The following AHCTF1 variants were observed in gnomAD, a reference collection of about 807,000 sequenced individuals.
AHCTF1 encodes the protein AT-hook containing transcription factor 1.
AHCTF1 carries 24 observed loss-of-function variants against 248.4 expected under a neutral mutation model. The ratio of observed to expected loss-of-function variants is 0.10; its 90% CI spans 0.07 to 0.14. The LOEUF (loss-of-function observed/expected upper bound fraction) is 0.14. Ranked by LOEUF, AHCTF1 falls within the 10% of genes least tolerant of loss-of-function variation. AHCTF1 has a pLI of 1.00. For missense variants in AHCTF1, 2,206 were observed against 2,636.2 expected (o/e 0.84, Z 3.57); for synonymous variants, 786 against 929.8 (o/e 0.85, Z 2.81).
chr1:246,869,229 T>C (rs955959302), intron 24 of AHCTF1, among the ~76,000 whole-genome samples: 7 of 152,130 alleles, frequency 4.6e-5, no homozygotes, highest in South Asian at 2.1e-4. Flanking sequence ...CAACAGCGTG[T>C]ACTTACTCCA....
In AHCTF1 at chr1:246,902,690, A is replaced by G. The variant is rs775365662; in HGVS notation, c.967-15T>C. On this transcript the variant is annotated splice_polypyrimidine_tract_variant and intron_variant, in intron 7 of 35. Transcript: ENST00000648844. ...TATTCTAACCCCTGTAACATAAAATACACGCAAATATTAATCTGATTCTAG... is the reference window on the plus strand; with the variant it reads ...TATTCTAACCCCTGTAACATAAAATGCACGCAAATATTAATCTGATTCTAG... The G allele has an allele frequency of 1.3e-5, 20 of 1,569,842 alleles. No homozygotes were observed. The African/African-American group carries it at 2.4e-4, about 19-fold the overall frequency.
At chr1:246,875,674 T>C (rs1009574758) in intron 24 of AHCTF1, among the ~76,000 whole-genome samples, 4 of 152,210 alleles carry the variant, frequency 2.6e-5, no homozygotes, top group East Asian at 1.9e-4. Flanking sequence ...GCCATCAACA[T>C]TGAGACAAGA....
chr1:246,924,994 T>C (rs1666831277), intron 1 of AHCTF1, among the ~76,000 whole-genome samples: 2 of 152,186 alleles, frequency 1.3e-5, no homozygotes, highest in South Asian at 4.1e-4. Flanking sequence ...AGTAGCTTAG[T>C]ACCAAAAAAA....
chr1:246,896,638 T>C (rs1433810937), intron 12 of AHCTF1, among the ~76,000 whole-genome samples: 1 of 152,150 alleles, frequency 6.6e-6, no homozygotes, highest in Non-Finnish European at 1.5e-5. Flanking sequence ...TGTCCTAAAA[T>C]GGAATGTGAT....
Position 246,842,692 on chromosome 1 carries a change from ACTTG to A in AHCTF1, c.6606_6608+1del. On this transcript the variant is annotated splice_donor_variant and coding_sequence_variant, in exon 35 of 36. Coordinates refer to ENST00000648844, the MANE Select transcript of AHCTF1 (RefSeq NM_001323342.2). LOFTEE classifies it high-confidence loss of function. ...AATCAAGAACAGAACAGAAAGTCAT[ACTTG>A]CTTGCTTGTTTTGTTTTTGACGTCC... 3.1e-6 allele frequency: 5 copies of A among 1,612,482 alleles called. No individual in the cohort carries two copies. The highest frequency in any genetic ancestry group is 1.1e-5 in the South Asian group (1 of 91,052).
At chr1:246,896,834 C>T (rs1283189721) in intron 12 of AHCTF1, among the ~76,000 whole-genome samples, 1 of 152,108 alleles carries the variant, frequency 6.6e-6, no homozygotes, top group Non-Finnish European at 1.5e-5. Context: ...AAAAAGGAAT[C>T]CCATGAATGT....
At chr1:246,902,815 A>G in intron 7 of AHCTF1, 140 bp from the exon 8 acceptor site, 2 of 775,516 alleles carry the variant, frequency 2.6e-6, no homozygotes, top group Non-Finnish European at 3.7e-6. Context: ...TCATGGAAAA[A>G]GGCTCTAAAA....
Position 246,850,908 on chromosome 1 carries a change from C to T in AHCTF1, c.5098G>A (p.Val1700Met), listed in dbSNP as rs1558211823. The change falls in exon 33 of 36, where the codon GTG becomes ATG. Residue 1700 changes from valine to methionine, a missense_variant. Val to Met is a conservative substitution (Grantham distance 21, BLOSUM62 1). Coordinates refer to ENST00000648844, the MANE Select transcript of AHCTF1 (RefSeq NM_001323342.2). ...GTGGGACACATTATGTTTTGGCTCA[C>T]TAAAGGTATTGTTTCATGAATGGAC... ...EQSIHETIPLVSQNIMCPTKL... is the reference protein window; with the variant it reads ...EQSIHETIPLMSQNIMCPTKL... 2 of 1,613,932 alleles carry T rather than the reference C, an allele frequency of 1.2e-6. No homozygotes were observed. The highest frequency in any genetic ancestry group is 3.3e-5 in the Admixed American group (2 of 60,012).
intron 24 of AHCTF1, 45 bp downstream of exon 24, chr1:246,875,991 CT>C (rs1257421905): frequency 7.3e-6 from 11 of 1,508,584 alleles, no homozygotes; most frequent in Middle Eastern, 5.0e-4. Flanking sequence ...CATTCAGTAT[CT>C]TTTTTGATCC....
chr1:246,864,027 A>G lies in AHCTF1; in HGVS notation c.3437T>C (p.Leu1146Pro), dbSNP rs1197654650. 1 of 1,614,130 alleles carries G rather than the reference A, an allele frequency of 6.2e-7. No homozygotes were observed. Reference protein sequence around the residue: ...QQSSMKSPLYLVSRSLPSSSQ... With the variant: ...QQSSMKSPLYPVSRSLPSSSQ... ...ACTTGAGGGCAGTGAACGGGATACT[A>G]GGTACAAAGGAGATTTCATGGAGCT... The change falls in exon 27 of 36, where the codon CTA becomes CCA. Residue 1146 changes from leucine (L) to proline (P), a missense_variant. Physicochemically the swap from Leu to Pro is moderately conservative, Grantham distance 98. This residue lies in a region of AHCTF1 where 955 missense variants were observed against 1,055.6 expected (regional missense o/e 0.90). Coordinates refer to ENST00000648844, the MANE Select transcript of AHCTF1 (RefSeq NM_001323342.2).
At chr1:246,929,858 C>T (rs993974596) in intron 1 of AHCTF1, among the ~76,000 whole-genome samples, 4 of 152,196 alleles carry the variant, frequency 2.6e-5, no homozygotes, top group Admixed American at 6.5e-5. Flanking sequence ...TCAAGACCAG[C>T]CTGGCCAATA....
chr1:246,908,584 A>T (rs1665559180), intron 4 of AHCTF1, among the ~76,000 whole-genome samples: 1 of 152,080 alleles, frequency 6.6e-6, no homozygotes, highest in African/African-American at 2.4e-5. Flanking sequence ...TAATGAAATA[A>T]GGGACTTATC....
At chr1:246,844,025 G>T in intron 33 of AHCTF1, 97 bp from the exon 34 acceptor site, 1 of 878,528 alleles carries the variant, frequency 1.1e-6, no homozygotes, top group Non-Finnish European at 1.5e-6. Flanking sequence ...GTTTTAGAAA[G>T]ATGCAAACGT....
At chr1:246,873,575 A>G (rs1022580738) in intron 24 of AHCTF1, among the ~76,000 whole-genome samples, 3 of 152,190 alleles carry the variant, frequency 2.0e-5, no homozygotes, top group Non-Finnish European at 2.9e-5. Flanking sequence ...GAGACAATAC[A>G]CTAGTCAATT....
Position 246,844,279 on chromosome 1 carries a change from C to T in AHCTF1, c.6392-351G>A, listed in dbSNP as rs75404843. On this transcript the variant is annotated intron_variant, in intron 33 of 35. Coordinates refer to ENST00000648844, the MANE Select transcript of AHCTF1 (RefSeq NM_001323342.2). ...GGGAAAGCATTAATCCTATATGTAA[C>T]CTGAGCTAGTCTGTGCCATAACTAC... 3.3e-3 allele frequency among the ~76,000 whole-genome samples: 506 copies of T among 152,264 alleles called. 3 individuals carry two copies. Among genetic ancestry groups the T allele is most frequent in the African/African-American group, 0.012 (483 of 41,554 alleles).
At chr1:246,846,353 A>G (rs997082339) in intron 33 of AHCTF1, among the ~76,000 whole-genome samples, 1 of 152,034 alleles carries the variant, frequency 6.6e-6, no homozygotes, top group African/African-American at 2.4e-5. Flanking sequence ...TGGTAACAGT[A>G]TAAAGGGCAG....
intron 1 of AHCTF1, among the ~76,000 whole-genome samples, chr1:246,918,994 A>G (rs1029134389): frequency 1.3e-5 from 2 of 152,234 alleles, no homozygotes; most frequent in Admixed American, 6.5e-5. Context: ...AGTTTGGTAC[A>G]TATCTTTTGC....
rs745966646 is a variant in AHCTF1 at position 246,888,489 on chromosome 1, T to C, written c.2173A>G (p.Ile725Val). ...CCTAACTGAGAAACCAGTCCATCAA[T>C]CATCAAGCAATCGGGATTCCACTTC... ...RGKWNPDCLM[I>V]DGLVSQLGER... is the part of the protein sequence containing the mutation. Residue 725 changes from isoleucine (I) to valine (V), a missense_variant, in exon 18 of 36, where the codon ATT (isoleucine) becomes GTT (valine). Transcript: ENST00000648844. 15 of 1,613,840 alleles carry C rather than the reference T, an allele frequency of 9.3e-6. No individual in the cohort carries two copies. The highest frequency in any genetic ancestry group is 1.3e-5 in the Non-Finnish European group (15 of 1,179,978).
chr1:246,869,626 T>C (rs1211475959), intron 24 of AHCTF1, among the ~76,000 whole-genome samples: 1 of 152,050 alleles, frequency 6.6e-6, no homozygotes, highest in Admixed American at 6.5e-5. Flanking sequence ...GCCTGTCTTC[T>C]ATCAATGGAA....
Sources: gnomAD v4.1 joint callset for allele counts (sites outside exome capture counted in the v4.1 genomes callset) on GRCh38, gnomAD v4.1.1 for gene constraint, gnomAD v4.1.1 regional missense constraint, MANE v1.5 for transcripts, NCBI Gene and HGNC (gene_info 2026-07-23, HGNC 2026-07-21) for gene names.